B9D2: variants seen among roughly 807,000 people sequenced by gnomAD.
B9D2 encodes B9 domain containing 2.
Under a neutral mutation model 19.2 loss-of-function variants are expected in B9D2, and 21 were observed. That is an observed-to-expected ratio of 1.09 (90% CI 0.78 to 1.58). B9D2 has a LOEUF of 1.58. Among genes scored for constraint, B9D2 ranks in the 40% most tolerant of loss-of-function variants. The pLI, the probability that B9D2 is intolerant of heterozygous loss-of-function variation, is 0.00. For missense variants in B9D2, 221 were observed against 244.3 expected (o/e 0.90, Z 0.64); for synonymous variants, 91 against 100.6 (o/e 0.90, Z 0.57).
intron 2 of B9D2, among the ~76,000 whole-genome samples, chr19:41,359,583 G>C (rs2038371218): frequency 6.6e-6 from 1 of 151,764 alleles, no homozygotes; most frequent in Non-Finnish European, 1.5e-5. Flanking sequence ...CACGCCCATA[G>C]TCCCAGCTAC....
chr19:41,363,307 G>C, intron 2 of B9D2, 125 bp downstream of exon 2: 1 of 929,288 alleles, frequency 1.1e-6, no homozygotes, highest in Non-Finnish European at 1.7e-6. Context: ...GGTGTGGGCT[G>C]GGCCTGGAGT....
At position 41,354,647 on chromosome 19, in the gene B9D2, C is replaced by G; in HGVS notation, c.*53G>C. On this transcript the variant is annotated 3_prime_UTR_variant, in exon 4 of 4. Transcript: ENST00000243578. The stretch of plus-strand genomic sequence containing the variant: ...CTCTTGACCACTGTGCCATCCTCCC[C>G]CATCACTGGGTGTCCGGGGTGTGGA... 6.2e-7 allele frequency: 1 copy of G among 1,607,266 alleles called. No individual in the cohort carries two copies. The highest frequency in any genetic ancestry group is 1.1e-5 in the South Asian group (1 of 90,778).
chr19:41,360,782 T>C (rs1275643677), intron 2 of B9D2, among the ~76,000 whole-genome samples: 2 of 152,204 alleles, frequency 1.3e-5, no homozygotes, highest in Non-Finnish European at 2.9e-5. Flanking sequence ...GTGCTGGGAT[T>C]ACAGGCATGA....
chr19:41,359,440 C>T (rs2038368868), intron 2 of B9D2, among the ~76,000 whole-genome samples: 2 of 152,006 alleles, frequency 1.3e-5, no homozygotes, highest in African/African-American at 2.4e-5. Flanking sequence ...AAATTAGCCA[C>T]GTCTGTAATC....
Position 41,359,634 on chromosome 19 carries a change from C to T in B9D2, c.89-1612G>A, listed in dbSNP as rs555081722. Among the ~76,000 whole-genome samples the T allele has an allele frequency of 1.3e-4, 19 of 151,722 alleles. No homozygotes were observed. The East Asian group carries it at 2.7e-3, about 22-fold the overall frequency. On this transcript the variant is annotated intron_variant, in intron 2 of 3. Coordinates refer to ENST00000243578, the MANE Select transcript of B9D2 (RefSeq NM_030578.4). The stretch of plus-strand genomic sequence containing the variant: ...AGGAGAATCACTTGAACCCAGGAGG[C>T]GGAGGTTGCAGTGAGCCAAGATGGT...
chr19:41,363,365 A>G, intron 2 of B9D2, 67 bp downstream of exon 2: 2 of 1,494,170 alleles, frequency 1.3e-6, no homozygotes, highest in Non-Finnish European at 1.9e-6. Context: ...TAAGGGGTGG[A>G]GGAAGGAGCA....
chr19:41,355,834 A>G (rs1310586110), intron 3 of B9D2, among the ~76,000 whole-genome samples: 1 of 152,228 alleles, frequency 6.6e-6, no homozygotes, highest in Non-Finnish European at 1.5e-5. Flanking sequence ...ATACCGCTTT[A>G]GCAAGAAGGG....
At chr19:41,363,293 A>G in intron 2 of B9D2, 139 bp downstream of exon 2, 4 of 829,216 alleles carry the variant, frequency 4.8e-6, no homozygotes, top group Non-Finnish European at 8.1e-6. Context: ...ACTCATGTGG[A>G]CAGGGTGTGG....
In B9D2 at chr19:41,354,806, T is replaced by C. The variant is rs746612834; in HGVS notation, c.422A>G (p.Tyr141Cys). ...GPQLLHGDTI[Y>C]SGADRYRLHT... ...CAGGCGATAGCGGTCGGCCCCACTG[T>C]AGATGGTGTCCCCATGCAGCAGCTG... is the stretch of plus-strand genomic sequence containing the variant. The change falls in exon 4 of 4, where the codon TAC (tyrosine) becomes TGC (cysteine). Residue 141 changes from tyrosine to cysteine, a missense_variant. Transcript: ENST00000243578. 3 of 1,614,042 alleles carry C rather than the reference T, an allele frequency of 1.9e-6. No individual in the cohort carries two copies. In the Admixed American group the frequency reaches 5.0e-5, roughly 27 times the overall value.
intron 3 of B9D2, among the ~76,000 whole-genome samples, chr19:41,356,142 A>G (rs899586161): frequency 6.6e-6 from 1 of 152,024 alleles, no homozygotes; most frequent in Non-Finnish European, 1.5e-5. Flanking sequence ...CCTGAGTGAG[A>G]TGGGGACCAT....
At chr19:41,362,664 G>A (rs1367391065) in intron 2 of B9D2, among the ~76,000 whole-genome samples, 1 of 152,148 alleles carries the variant, frequency 6.6e-6, no homozygotes, top group Non-Finnish European at 1.5e-5. Context: ...GGAAGTCGAG[G>A]TGAAGAGAAG....
In B9D2 at chr19:41,363,429, T is replaced by C; in HGVS notation, c.88+3A>G. 6.2e-7 allele frequency: 1 copy of C among 1,613,948 alleles called. No individual in the cohort carries two copies. The highest frequency in any genetic ancestry group is 8.5e-7 in the Non-Finnish European group (1 of 1,179,918). ...TGGAAATGAACCAGGCTTGGGGGAA[T>C]ACCTGTGTGAATGCCCCACTTGCAG... On this transcript the variant is annotated splice_donor_region_variant and intron_variant, in intron 2 of 3. Coordinates refer to ENST00000243578, the MANE Select transcript of B9D2 (RefSeq NM_030578.4).
chr19:41,359,425 C>A (rs2038368677), intron 2 of B9D2, among the ~76,000 whole-genome samples: 1 of 151,560 alleles, frequency 6.6e-6, no homozygotes, highest in Non-Finnish European at 1.5e-5. Flanking sequence ...ACACACACAC[C>A]CACAAAATTA....
rs565565415 is a variant in B9D2 at position 41,363,884 on chromosome 19, C to T, written c.-5+74G>A. On this transcript the variant is annotated intron_variant, in intron 1 of 3. Coordinates refer to ENST00000243578, the MANE Select transcript of B9D2 (RefSeq NM_030578.4). ...CCCGCTTCCCTCCCCCAGCAAGCTC[C>T]ATAAGGCGCATGCGTTATGAGTTCA... The T allele has an allele frequency of 1.1e-4, 56 of 494,418 alleles. 1 individual carries two copies. In the East Asian group the frequency reaches 2.1e-3, roughly 19 times the overall value. The allele number at this position is 494,418 out of a possible 1,614,324, so 30.6% of individuals were successfully genotyped here.
chr19:41,358,456 C>T (rs2038351335), intron 2 of B9D2, among the ~76,000 whole-genome samples: 2 of 151,844 alleles, frequency 1.3e-5, no homozygotes. Flanking sequence ...CCACTCACGT[C>T]TCTCTCTCTC....
At chr19:41,358,869 G>A (rs546173435) in intron 2 of B9D2, among the ~76,000 whole-genome samples, 74 of 152,128 alleles carry the variant, frequency 4.9e-4, no homozygotes, top group African/African-American at 8.7e-4. Context: ...AAGGCTGAGC[G>A]CAGTGGCTCA....
chr19:41,354,792 G>A lies in B9D2; in HGVS notation c.436C>T (p.Arg146Cys), dbSNP rs1445171483. 3.7e-6 allele frequency: 6 copies of A among 1,613,862 alleles called. No homozygotes were observed. Among genetic ancestry groups the A allele is most frequent in the African/African-American group, 1.3e-5 (1 of 74,934 alleles). ...HGDTIYSGAD[R>C]YRLHTAAGGT... ...CCAGCAGCTGTGTGCAGGCGATAGC[G>A]GTCGGCCCCACTGTAGATGGTGTCC... Residue 146 changes from arginine (R) to cysteine (C), a missense_variant, in exon 4 of 4, where the codon CGC becomes TGC. By Grantham distance (180) the Arg-to-Cys change is radical. Transcript: ENST00000243578.
intron 2 of B9D2, among the ~76,000 whole-genome samples, chr19:41,358,415 CAG>C (rs10550016): frequency 0.061 from 9,329 of 152,092 alleles, 340 homozygotes; most frequent in Non-Finnish European, 0.077. Flanking sequence ...TGGAACTCTT[CAG>C]AGAGTCCCAA....
rs1257358052 is a variant in B9D2 at position 41,354,860 on chromosome 19, A to G, written c.368T>C (p.Leu123Ser). Residue 123 changes from leucine (L) to serine (S), a missense_variant, in exon 4 of 4, where the codon TTG becomes TCG. Transcript: ENST00000243578. ...CCCACCACCCACGAAAGCCCGTGCC[A>G]ACTGTTCTCGCCAACTGCCCAGGGG... is the stretch of plus-strand genomic sequence containing the variant. ...WRPLGSWREQ[L>S]ARAFVGGGPQ... 1 of 1,613,934 alleles carries G rather than the reference A, an allele frequency of 6.2e-7. No homozygotes were observed. Among genetic ancestry groups the G allele is most frequent in the Non-Finnish European group, 8.5e-7 (1 of 1,179,966 alleles).
Sources: allele counts gnomAD v4.1 joint callset (sites outside exome capture counted in the v4.1 genomes callset), GRCh38; gene constraint gnomAD v4.1.1; transcripts MANE v1.5; gene names NCBI Gene and HGNC (gene_info 2026-07-23, HGNC 2026-07-21).